Variants in AGAP1 observed in about 807,000 individuals in gnomAD.
AGAP1 encodes the protein arf-GAP with GTPase, ANK repeat and PH domain-containing protein 1.
Under a neutral mutation model 105.3 loss-of-function variants are expected in AGAP1, and 29 were observed. The observed-to-expected ratio is 0.28, with a 90% CI of 0.21 to 0.38. The LOEUF is 0.38. AGAP1 is among the 10% of genes least tolerant of loss of function. The pLI, the probability that AGAP1 is intolerant of heterozygous loss-of-function variation, is 1.00. For synonymous variants in AGAP1, 509 were observed against 485.9 expected, an observed-to-expected ratio of 1.05 and a Z score of -0.63; for missense variants, 998 against 1,165.1, an observed-to-expected ratio of 0.86 and a Z score of 2.09.
intron 1 of AGAP1, among the ~76,000 whole-genome samples, chr2:235,528,544 A>G (rs1574773264): frequency 6.6e-6 from 1 of 152,056 alleles, no homozygotes; most frequent in Admixed American, 6.6e-5. Context: ...TGCTCGAGAG[A>G]TTGTCATTTT....
chr2:235,731,852 A>G (rs957137442), intron 3 of AGAP1, among the ~76,000 whole-genome samples: 8 of 152,168 alleles, frequency 5.3e-5, no homozygotes, highest in African/African-American at 1.9e-4. Context: ...GCTCTAAGGA[A>G]CAAAAAGGAA....
chr2:236,118,835 CT>C (rs988472127), intron 16 of AGAP1, among the ~76,000 whole-genome samples: 7 of 151,594 alleles, frequency 4.6e-5, no homozygotes, highest in South Asian at 2.1e-4. Context: ...ACCACCCTAC[CT>C]TTTTTTTTCC....
chr2:235,884,705 C>T (rs375851043), intron 10 of AGAP1, among the ~76,000 whole-genome samples: 255 of 152,154 alleles, frequency 1.7e-3, no homozygotes, highest in African/African-American at 5.6e-3. Flanking sequence ...CCGCCTGCCT[C>T]GGCCTCCCAA....
In AGAP1 at chr2:235,712,775, C is replaced by G. The variant is rs1950917285; in HGVS notation, c.222+3538C>G. Among the ~76,000 whole-genome samples the G allele has an allele frequency of 6.6e-6, 1 of 152,240 alleles. No homozygotes were observed. Among genetic ancestry groups the G allele is most frequent in the South Asian group, 2.1e-4 (1 of 4,832 alleles). ...ACGTAGTTCTGTGATTTTCAAGACACCTCATTCCTCCTCATGTAGCTCTTT... is the reference window on the plus strand; with the variant it reads ...ACGTAGTTCTGTGATTTTCAAGACAGCTCATTCCTCCTCATGTAGCTCTTT... On this transcript the variant is annotated intron_variant, in intron 2 of 17. Coordinates refer to ENST00000304032, the MANE Select transcript of AGAP1 (RefSeq NM_001037131.3). This position sits in a 1 kb window ranked among gnomAD's most constrained non-coding sequence, Gnocchi z 6.0.
intron 1 of AGAP1, among the ~76,000 whole-genome samples, chr2:235,546,750 G>T (rs908069560): frequency 6.6e-6 from 1 of 152,180 alleles, no homozygotes; most frequent in Non-Finnish European, 1.5e-5. Flanking sequence ...TCAGAACAAG[G>T]AGCTGTCAGT....
At chr2:235,827,327 G>A (rs879392724) in intron 9 of AGAP1, among the ~76,000 whole-genome samples, 36 of 152,130 alleles carry the variant, frequency 2.4e-4, no homozygotes, top group Admixed American at 2.4e-3. Flanking sequence ...TTGACCTGAG[G>A]GCTGAGACCA....
At position 235,612,842 on chromosome 2, in the gene AGAP1, A is replaced by C. The variant is rs1178707848; in HGVS notation, c.164-96337A>C. Among the ~76,000 whole-genome samples, 5 of 151,996 alleles carry C rather than the reference A, an allele frequency of 3.3e-5. No homozygotes were observed. Among genetic ancestry groups the C allele is most frequent in the Admixed American group, 3.3e-4 (5 of 15,266 alleles). On this transcript the variant is annotated intron_variant, in intron 1 of 17. Coordinates refer to ENST00000304032, the MANE Select transcript of AGAP1 (RefSeq NM_001037131.3). This position sits in a 1 kb window ranked among gnomAD's most constrained non-coding sequence, Gnocchi z 4.3. ...GGAGGGAATGACCCCACGTCTCTGG[A>C]TTCTGGCTTCTGCTTCCAGTGAGAC...
intron 16 of AGAP1, among the ~76,000 whole-genome samples, chr2:236,060,255 A>G (rs1374620667): frequency 6.6e-6 from 1 of 152,264 alleles, no homozygotes; most frequent in Non-Finnish European, 1.5e-5. Flanking sequence ...AATAAAAGAA[A>G]AAATAGATAA....
In AGAP1 at chr2:236,114,194, G is replaced by A. The variant is rs186004776; in HGVS notation, c.2115-5998G>A. On this transcript the variant is annotated intron_variant, in intron 16 of 17. Transcript: ENST00000304032. This position sits in a 1 kb window ranked among gnomAD's most constrained non-coding sequence, Gnocchi z 5.0. ...GAATGAGGGGAGGTGATCTACTGCC[G>A]GCTGCCTGCTCTTGAACTGGCCTTC... is the stretch of plus-strand genomic sequence containing the variant. Among the ~76,000 whole-genome samples, 239 of 152,188 alleles carry A rather than the reference G, an allele frequency of 1.6e-3. No homozygotes were observed. The highest frequency in any genetic ancestry group is 3.1e-3 in the Non-Finnish European group (209 of 67,996).
rs548333867 is a variant in AGAP1, at chr2:235,888,993, C to G, written c.1155+5544C>G. Reference sequence around the variant, plus strand: ...TCATTAGATGCCCTTAGGAAAAGATCTCCCTGAAGAGGTCATTTCTGTTCC... The same window carrying G: ...TCATTAGATGCCCTTAGGAAAAGATGTCCCTGAAGAGGTCATTTCTGTTCC... On this transcript the variant is annotated intron_variant, in intron 10 of 17. Transcript: ENST00000304032. The surrounding 1 kb of genome is among the most constrained non-coding windows in gnomAD (Gnocchi z 4.8). 6.6e-6 allele frequency among the ~76,000 whole-genome samples: 1 copy of G among 152,162 alleles called. No individual in the cohort carries two copies. Among genetic ancestry groups the G allele is most frequent in the Non-Finnish European group, 1.5e-5 (1 of 68,042 alleles).
At chr2:235,699,081 A>G (rs1015917838) in intron 1 of AGAP1, among the ~76,000 whole-genome samples, 1 of 86,458 alleles carries the variant, frequency 1.2e-5, no homozygotes, top group Non-Finnish European at 2.7e-5. Context: ...CCCCCCCCCC[A>G]CCCCACCTAG....
At chr2:235,679,363 A>C (rs755573300) in intron 1 of AGAP1, among the ~76,000 whole-genome samples, 9 of 152,210 alleles carry the variant, frequency 5.9e-5, no homozygotes, top group Non-Finnish European at 1.3e-4. Flanking sequence ...AGTTACTATG[A>C]GATATACATT....
chr2:235,797,194 T>A (rs1251675557), intron 6 of AGAP1, among the ~76,000 whole-genome samples: 1 of 152,220 alleles, frequency 6.6e-6, no homozygotes, highest in African/African-American at 2.4e-5. Flanking sequence ...TTATTTAGGA[T>A]TATTTTTGTT....
intron 9 of AGAP1, among the ~76,000 whole-genome samples, chr2:235,821,350 G>T (rs1958774982): frequency 1.3e-5 from 2 of 151,690 alleles, no homozygotes; most frequent in South Asian, 4.2e-4. Flanking sequence ...GCAGTAACAA[G>T]TGAACTGGGG....
rs997951154 is a variant in AGAP1 at position 235,981,535 on chromosome 2, A to G, written c.1645+12912A>G. On this transcript the variant is annotated intron_variant, in intron 13 of 17. Transcript: ENST00000304032. This position sits in a 1 kb window ranked among gnomAD's most constrained non-coding sequence, Gnocchi z 5.5. ...TAAAATATTTTCTACCAGAATACAC[A>G]TTTAGTGATGCCTCTTTCAAAGAGG... is the stretch of plus-strand genomic sequence containing the variant. Among the ~76,000 whole-genome samples, 6 of 152,192 alleles carry G rather than the reference A, an allele frequency of 3.9e-5. No homozygotes were observed. Among genetic ancestry groups the G allele is most frequent in the African/African-American group, 1.4e-4 (6 of 41,442 alleles).
chr2:236,012,107 A>C lies in AGAP1; in HGVS notation c.1646-24454A>C, dbSNP rs1356554710. 2.0e-5 allele frequency among the ~76,000 whole-genome samples: 3 copies of C among 152,172 alleles called. No homozygotes were observed. On this transcript the variant is annotated intron_variant, in intron 13 of 17. Transcript: ENST00000304032. The surrounding 1 kb of genome is among the most constrained non-coding windows in gnomAD (Gnocchi z 4.9). ...AACATCCATTTGTTTAAGGGGAAGA[A>C]ACAGGCACGACATTTTGCACATTAA... is the stretch of plus-strand genomic sequence containing the variant.
chr2:235,836,874 C>T (rs951381332), intron 9 of AGAP1, among the ~76,000 whole-genome samples: 3 of 152,026 alleles, frequency 2.0e-5, no homozygotes. Flanking sequence ...ACACTGGTGC[C>T]ATTTACATTC....
At position 235,958,444 on chromosome 2, in the gene AGAP1, G is replaced by A. The variant is rs553157315; in HGVS notation, c.1484-10018G>A. 1.3e-5 allele frequency among the ~76,000 whole-genome samples: 2 copies of A among 152,110 alleles called. No homozygotes were observed. Among genetic ancestry groups the A allele is most frequent in the South Asian group, 2.1e-4 (1 of 4,790 alleles). ...CCAGCGGACACATTTAGAGACCCTC[G>A]GGAGCGCGAGGGATATGAGAATCAC... is the stretch of plus-strand genomic sequence containing the variant. On this transcript the variant is annotated intron_variant, in intron 12 of 17. Transcript: ENST00000304032. This position sits in a 1 kb window ranked among gnomAD's most constrained non-coding sequence, Gnocchi z 4.1.
intron 6 of AGAP1, among the ~76,000 whole-genome samples, chr2:235,773,581 C>G (rs192085086): frequency 1.6e-4 from 24 of 152,262 alleles, no homozygotes; most frequent in African/African-American, 5.3e-4. Context: ...CGATTTAGTT[C>G]TAGGAAGTCA....
Sources: gnomAD v4.1 joint callset for allele counts (sites outside exome capture counted in the v4.1 genomes callset) on GRCh38, gnomAD v4.1.1 for gene constraint, Gnocchi (gnomAD v3.1) non-coding constraint, MANE v1.5 for transcripts, NCBI Gene and HGNC (gene_info 2026-07-23, HGNC 2026-07-21) for gene names.